The following MSRA variants were observed in gnomAD, a reference collection of about 807,000 sequenced individuals.
The protein encoded by MSRA is mitochondrial peptide methionine sulfoxide reductase.
In MSRA, 54 loss-of-function variants were observed where a neutral mutation model predicts 31.3. The ratio of observed to expected loss-of-function variants is 1.73; its 90% CI spans 1.39 to 2.17. The LOEUF (loss-of-function observed/expected upper bound fraction) is 2.17, where lower values mean the gene tolerates loss of function less well. Ranked by LOEUF, MSRA falls within the 30% of genes most tolerant of loss-of-function variation. MSRA has a pLI of 0.00. For synonymous variants in MSRA, 169 were observed against 116.5 expected (o/e 1.45, Z -2.90); for missense variants, 507 against 300.9 (o/e 1.69, Z -5.07).
chr8:10,233,657 C>G (rs998231256), intron 2 of MSRA, among the ~76,000 whole-genome samples: 3 of 152,144 alleles, frequency 2.0e-5, no homozygotes, highest in Non-Finnish European at 4.4e-5. Flanking sequence ...AAGAATGTAT[C>G]TATCAATTAA....
chr8:10,317,307 C>T (rs889052302), intron 4 of MSRA, among the ~76,000 whole-genome samples: 1 of 152,190 alleles, frequency 6.6e-6, no homozygotes, highest in Non-Finnish European at 1.5e-5. Flanking sequence ...ACATTTATCA[C>T]GTCTGCAATC....
chr8:10,360,602 G>T (rs1804789942), intron 5 of MSRA, among the ~76,000 whole-genome samples: 2 of 152,178 alleles, frequency 1.3e-5, no homozygotes, highest in African/African-American at 2.4e-5. Context: ...ATATTGTTCT[G>T]TGTGCAACAT....
intron 5 of MSRA, among the ~76,000 whole-genome samples, chr8:10,346,857 C>G (rs1803810992): frequency 6.6e-6 from 1 of 152,206 alleles, no homozygotes. Context: ...GAACTGGTGA[C>G]TCTAAACAGT....
chr8:10,240,618 C>G (rs990534182), intron 2 of MSRA, among the ~76,000 whole-genome samples: 1 of 152,192 alleles, frequency 6.6e-6, no homozygotes, highest in African/African-American at 2.4e-5. Context: ...CTTTGTGTTT[C>G]TGGCCTCTGA....
chr8:10,386,443 A>C (rs1020966397), intron 5 of MSRA, among the ~76,000 whole-genome samples: 1 of 152,212 alleles, frequency 6.6e-6, no homozygotes, highest in Non-Finnish European at 1.5e-5. Context: ...TGTTCACTGG[A>C]GCATCATTGA....
chr8:10,131,222 A>T (rs562022864), intron 1 of MSRA, among the ~76,000 whole-genome samples: 2 of 152,208 alleles, frequency 1.3e-5, no homozygotes, highest in African/African-American at 4.8e-5. Flanking sequence ...GGAGAAATGT[A>T]CACGTTCATA....
At chr8:10,321,893 C>T (rs1227723120) in intron 5 of MSRA, among the ~76,000 whole-genome samples, 1 of 152,236 alleles carries the variant, frequency 6.6e-6, no homozygotes, top group Non-Finnish European at 1.5e-5. Flanking sequence ...CAGAGGCACA[C>T]AGCCAAGCTG....
rs534579328 is a variant in MSRA, at chr8:10,295,156, A to C, written c.332-6378A>C. Among the ~76,000 whole-genome samples the C allele has an allele frequency of 7.2e-5, 11 of 152,214 alleles. No individual in the cohort carries two copies. In the East Asian group the frequency reaches 2.1e-3, roughly 30 times the overall value. On this transcript the variant is annotated intron_variant, in intron 3 of 5. Transcript: ENST00000317173. ...GGCTCTTTGCCTACTGTGTTTGGGC[A>C]ATGAGACTGCTTGTCTTGCTACGTT...
intron 5 of MSRA, among the ~76,000 whole-genome samples, chr8:10,380,125 C>A (rs932785574): frequency 6.6e-6 from 1 of 152,240 alleles, no homozygotes; most frequent in African/African-American, 2.4e-5. Flanking sequence ...TACATCTCCT[C>A]CTGCACATCC....
intron 1 of MSRA, among the ~76,000 whole-genome samples, chr8:10,076,585 G>C (rs1055300424): frequency 1.3e-5 from 2 of 152,196 alleles, no homozygotes; most frequent in African/African-American, 2.4e-5. Flanking sequence ...CTTGCAGGCA[G>C]TGTTGTTCCT....
chr8:10,403,273 GCCT>G (rs1214816915), intron 5 of MSRA, among the ~76,000 whole-genome samples: 1 of 152,192 alleles, frequency 6.6e-6, no homozygotes, highest in African/African-American at 2.4e-5. Context: ...GAAGCAAGGT[GCCT>G]CCCTGAGTGA....
chr8:10,124,455 C>G (rs1801350310), intron 1 of MSRA, among the ~76,000 whole-genome samples: 1 of 152,120 alleles, frequency 6.6e-6, no homozygotes, highest in African/African-American at 2.4e-5. Flanking sequence ...ATATCTGCTC[C>G]CATTTCAGGA....
chr8:10,141,700 C>A (rs1389873223), intron 1 of MSRA, among the ~76,000 whole-genome samples: 1 of 152,086 alleles, frequency 6.6e-6, no homozygotes, highest in Non-Finnish European at 1.5e-5. Flanking sequence ...AAGGAACTCA[C>A]CTCTTGACAA....
rs964663059 is a variant in MSRA, at chr8:10,428,093, G to A, written c.544-55G>A. On this transcript the variant is annotated intron_variant, in intron 5 of 5. Transcript: ENST00000317173. ...CCCTGGCCCCTCAGTGCCACCCCTC[G>A]CAGGTGCTGTCTCTCTAGCATGGGA... The A allele has an allele frequency of 1.8e-5, 28 of 1,565,652 alleles. No individual in the cohort carries two copies. The African/African-American group carries it at 2.2e-4, about 12-fold the overall frequency.
At chr8:10,339,465 T>C (rs936398256) in intron 5 of MSRA, among the ~76,000 whole-genome samples, 2 of 152,024 alleles carry the variant, frequency 1.3e-5, no homozygotes, top group African/African-American at 4.8e-5. Context: ...GTGTCTGTCC[T>C]GTTCTTCGTG....
At chr8:10,168,907 C>T (rs1805368182) in intron 1 of MSRA, among the ~76,000 whole-genome samples, 1 of 152,098 alleles carries the variant, frequency 6.6e-6, no homozygotes, top group Non-Finnish European at 1.5e-5. Flanking sequence ...ACAGATAATT[C>T]CAGTTGATTT....
intron 1 of MSRA, among the ~76,000 whole-genome samples, chr8:10,175,131 C>G (rs1805934406): frequency 6.6e-6 from 1 of 152,168 alleles, no homozygotes; most frequent in African/African-American, 2.4e-5. Flanking sequence ...CCCTCCTCTA[C>G]TATGGCCGTC....
intron 1 of MSRA, among the ~76,000 whole-genome samples, chr8:10,193,749 G>A (rs1160423389): frequency 8.5e-5 from 13 of 152,144 alleles, no homozygotes; most frequent in Admixed American, 5.9e-4. Flanking sequence ...ATGAATATGC[G>A]CTGGGTTATC....
chr8:10,316,676 G>T (rs947858876), intron 4 of MSRA, among the ~76,000 whole-genome samples: 1 of 151,880 alleles, frequency 6.6e-6, no homozygotes. Flanking sequence ...AAAATGAGCT[G>T]TCAGTTAAAA....
Sources: allele counts gnomAD v4.1 joint callset (sites outside exome capture counted in the v4.1 genomes callset), GRCh38; gene constraint gnomAD v4.1.1; transcripts MANE v1.5; gene names NCBI Gene and HGNC (gene_info 2026-07-23, HGNC 2026-07-21).